Variants in KLHDC1 observed in about 807,000 individuals in gnomAD.
The protein encoded by KLHDC1 is kelch domain-containing protein 1.
A neutral mutation model predicts 68.3 loss-of-function variants in KLHDC1; 53 were observed. The observed-to-expected ratio is 0.78, with a 90% CI of 0.62 to 0.98. The LOEUF (loss-of-function observed/expected upper bound fraction) is 0.98. KLHDC1 is among the 50% of genes least tolerant of loss of function. The pLI, the probability that KLHDC1 is intolerant of heterozygous loss-of-function variation, is 0.00. For synonymous variants in KLHDC1, 148 were observed against 159.0 expected (o/e 0.93, Z 0.52); for missense variants, 470 against 492.3 (o/e 0.95, Z 0.43).
intron 1 of KLHDC1, among the ~76,000 whole-genome samples, chr14:49,703,618 C>G (rs111933066): frequency 1.6e-4 from 24 of 152,330 alleles, no homozygotes; most frequent in African/African-American, 5.3e-4. Context: ...GCTGGGATTA[C>G]AGGTGTGAGC....
Position 49,709,151 on chromosome 14 carries a change from AT to A in KLHDC1, c.97-3del. The stretch of plus-strand genomic sequence containing the variant: ...ATAAACATAATTTTATGTATTCTGT[AT>A]TTTTAGTCTATTGAAGACAATGAAG... On this transcript the variant is annotated splice_region_variant and splice_polypyrimidine_tract_variant and intron_variant, in intron 1 of 12. Coordinates refer to ENST00000359332, the MANE Select transcript of KLHDC1 (RefSeq NM_172193.3). The A allele has an allele frequency of 8.8e-7, 1 of 1,137,154 alleles. No homozygotes were observed. Among genetic ancestry groups the A allele is most frequent in the Non-Finnish European group, 1.3e-6 (1 of 767,158 alleles). 70.4% of individuals were successfully genotyped at this position (1,137,154 alleles called of 1,614,324 possible).
intron 4 of KLHDC1, among the ~76,000 whole-genome samples, chr14:49,715,894 T>G (rs1888365427): frequency 1.3e-5 from 2 of 151,894 alleles, no homozygotes; most frequent in Non-Finnish European, 1.5e-5. Context: ...TGTTTTCTCA[T>G]TTAAATACTG....
At chr14:49,695,674 T>A (rs1165534293) in intron 1 of KLHDC1, among the ~76,000 whole-genome samples, 2 of 152,202 alleles carry the variant, frequency 1.3e-5, no homozygotes, top group Non-Finnish European at 2.9e-5. Flanking sequence ...ACAAGAGAAT[T>A]AGCTGGTCCT....
intron 1 of KLHDC1, chr14:49,699,902 T>C: frequency 1.1e-5 from 2 of 177,564 alleles, no homozygotes; most frequent in South Asian, 1.7e-4. Context: ...TGAATAGCTT[T>C]TCCAAATTTA....
At chr14:49,693,487 C>G (rs1173881748) in intron 1 of KLHDC1, among the ~76,000 whole-genome samples, 197 bp downstream of exon 1, 1 of 151,836 alleles carries the variant, frequency 6.6e-6, no homozygotes, top group African/African-American at 2.4e-5. Flanking sequence ...GTTGCTTCTT[C>G]TATTAAAGCC....
chr14:49,714,001 C>G (rs1316378824), intron 4 of KLHDC1, among the ~76,000 whole-genome samples: 1 of 148,762 alleles, frequency 6.7e-6, no homozygotes, highest in African/African-American at 2.5e-5. Flanking sequence ...TGCACGCCAC[C>G]AAACCTGGCT....
chr14:49,745,694 G>C (rs1203728161), intron 12 of KLHDC1, among the ~76,000 whole-genome samples: 1 of 152,208 alleles, frequency 6.6e-6, no homozygotes, highest in African/African-American at 2.4e-5. Flanking sequence ...AAGGGTGTTA[G>C]TGTAAAGATA....
intron 4 of KLHDC1, among the ~76,000 whole-genome samples, chr14:49,716,349 GTGAC>G (rs1888376495): frequency 6.6e-6 from 1 of 151,820 alleles, no homozygotes; most frequent in Non-Finnish European, 1.5e-5. Context: ...AGGGAATTAA[GTGAC>G]TGAGAGTAGG....
At chr14:49,732,282 C>T (rs545896629) in intron 8 of KLHDC1, among the ~76,000 whole-genome samples, 101 of 152,158 alleles carry the variant, frequency 6.6e-4, no homozygotes, top group African/African-American at 2.2e-3. Flanking sequence ...AAGCAATTCT[C>T]CTGCCTCAGC....
chr14:49,721,753 C>T lies in KLHDC1; in HGVS notation c.405-2121C>T, dbSNP rs140803304. 7.2e-3 allele frequency among the ~76,000 whole-genome samples: 1,091 copies of T among 152,236 alleles called. 13 individuals are homozygous for T. Among genetic ancestry groups the T allele is most frequent in the African/African-American group, 0.025 (1,036 of 41,538 alleles). ...ACAGCTGCGTTCCTACCTCTCAGAACTGTGGGAGATCTCTCCATGTTTTAT... is the reference window on the plus strand; with the variant it reads ...ACAGCTGCGTTCCTACCTCTCAGAATTGTGGGAGATCTCTCCATGTTTTAT... On this transcript the variant is annotated intron_variant, in intron 4 of 12. Coordinates refer to ENST00000359332, the MANE Select transcript of KLHDC1 (RefSeq NM_172193.3).
chr14:49,706,057 T>C (rs1888042351), intron 1 of KLHDC1, among the ~76,000 whole-genome samples: 1 of 152,208 alleles, frequency 6.6e-6, no homozygotes, highest in Non-Finnish European at 1.5e-5. Flanking sequence ...CACCCTATTG[T>C]GCGATCAAAT....
At chr14:49,694,177 C>G (rs916175809) in intron 1 of KLHDC1, among the ~76,000 whole-genome samples, 6 of 152,018 alleles carry the variant, frequency 3.9e-5, no homozygotes, top group Non-Finnish European at 7.3e-5. Flanking sequence ...AAAATTCTTA[C>G]TACAATGGAG....
chr14:49,702,882 G>T (rs1887947086), intron 1 of KLHDC1, among the ~76,000 whole-genome samples: 1 of 152,188 alleles, frequency 6.6e-6, no homozygotes, highest in Non-Finnish European at 1.5e-5. Flanking sequence ...AGTTTAGGAA[G>T]ATCAAGTTTC....
intron 8 of KLHDC1, among the ~76,000 whole-genome samples, chr14:49,730,630 G>A (rs1888782260): frequency 6.6e-6 from 1 of 152,124 alleles, no homozygotes; most frequent in Non-Finnish European, 1.5e-5. Context: ...CAAAGAACAT[G>A]CATAAACAAC....
rs1414861476 is a variant in KLHDC1 at position 49,700,917 on chromosome 14, C to A, written c.96+7627C>A. ...CCAACACGGTGAAACCTCGTCTCTA[C>A]TGAAAATACAAAAACATTAGCCAGG... On this transcript the variant is annotated intron_variant, in intron 1 of 12. Transcript: ENST00000359332. Among the ~76,000 whole-genome samples, 6 of 152,246 alleles carry A rather than the reference C, an allele frequency of 3.9e-5. No individual in the cohort carries two copies. In the East Asian group the frequency reaches 1.2e-3, roughly 29 times the overall value.
Position 49,709,813 on chromosome 14 carries a change from G to T in KLHDC1, c.272G>T (p.Gly91Val). The change falls in exon 3 of 13, where the codon GGA becomes GTA. Residue 91 changes from glycine to valine, a missense_variant. Physicochemically the swap from Gly to Val is moderately radical, Grantham distance 109. Coordinates refer to ENST00000359332, the MANE Select transcript of KLHDC1 (RefSeq NM_172193.3). ...ATTTTTGGAGGATATGATGACAAAG[G>T]ATACAGCAATCGAGTAATAATTTCT... ...LYIFGGYDDK[G>V]YSNRLYFVNL... 1 of 1,563,260 alleles carries T rather than the reference G, an allele frequency of 6.4e-7. No individual in the cohort carries two copies. Among genetic ancestry groups the T allele is most frequent in the East Asian group, 2.3e-5 (1 of 43,178 alleles).
chr14:49,721,437 C>T (rs1292876959), intron 4 of KLHDC1, among the ~76,000 whole-genome samples: 1 of 152,072 alleles, frequency 6.6e-6, no homozygotes, highest in African/African-American at 2.4e-5. Context: ...CCTGCCTCAG[C>T]CTCCCTGTAG....
intron 4 of KLHDC1, among the ~76,000 whole-genome samples, chr14:49,714,907 A>G (rs1206237217): frequency 6.8e-6 from 1 of 147,504 alleles, no homozygotes; most frequent in Non-Finnish European, 1.5e-5. Context: ...ATATATTTAT[A>G]TATACTTTAT....
chr14:49,720,559 T>C (rs1338432843), intron 4 of KLHDC1, among the ~76,000 whole-genome samples: 1 of 152,186 alleles, frequency 6.6e-6, no homozygotes, highest in East Asian at 1.9e-4. Context: ...GTAGTTCCTT[T>C]GTATTTATCT....
Sources: gnomAD v4.1 joint callset for allele counts (sites outside exome capture counted in the v4.1 genomes callset) on GRCh38, gnomAD v4.1.1 for gene constraint, MANE v1.5 for transcripts, NCBI Gene and HGNC (gene_info 2026-07-23, HGNC 2026-07-21) for gene names.